CREB5: variants seen among roughly 807,000 people sequenced by gnomAD.
CREB5 encodes the protein cAMP responsive element binding protein 5, also known as cyclic AMP-responsive element-binding protein 5.
A neutral mutation model predicts 57.1 loss-of-function variants in CREB5; 19 were observed. That is an observed-to-expected ratio of 0.33 (90% CI 0.23 to 0.49). The LOEUF is 0.49. Ranked by LOEUF, CREB5 falls within the 20% of genes least tolerant of loss-of-function variation. The probability of loss-of-function intolerance (pLI) is 0.99; values close to 1 mark genes in which losing one functional copy is unlikely to be tolerated. For missense variants in CREB5, 579 were observed against 671.6 expected (o/e 0.86, Z 1.52); for synonymous variants, 238 against 238.3 (o/e 1.00, Z 0.01).
chr7:28,652,575 C>T (rs1799177935), intron 5 of CREB5, among the ~76,000 whole-genome samples: 1 of 152,188 alleles, frequency 6.6e-6, no homozygotes, highest in Admixed American at 6.5e-5. Flanking sequence ...GGTCCCTCTA[C>T]TTTCTTTGAG....
In CREB5 at chr7:28,366,440, C is replaced by CAA. The variant is rs1786588490; in HGVS notation, c.-25+66999_-25+67000insAA. 2.0e-5 allele frequency among the ~76,000 whole-genome samples: 3 copies of CAA among 152,124 alleles called. No individual in the cohort carries two copies. The South Asian group carries it at 6.2e-4, about 32-fold the overall frequency. ...TTAACTTGTGTATGTGAGGATACTA[C>CAA]TACTTATTGTTATTGTGAGACAGAG... On this transcript the variant is annotated intron_variant, in intron 1 of 9. Coordinates refer to the CREB5 transcript ENST00000396299.
At chr7:28,302,144 T>C (rs748109828) in intron 1 of CREB5, among the ~76,000 whole-genome samples, 3 of 152,232 alleles carry the variant, frequency 2.0e-5, no homozygotes, top group Non-Finnish European at 4.4e-5. Context: ...AATAACAAAA[T>C]GTGAAATTTC....
chr7:28,420,900 G>A (rs1327664466), intron 1 of CREB5, among the ~76,000 whole-genome samples: 1 of 150,776 alleles, frequency 6.6e-6, no homozygotes, highest in Non-Finnish European at 1.5e-5. Context: ...AAGTTTGCTT[G>A]TACCCATTCC....
chr7:28,381,891 G>A (rs190270117), intron 1 of CREB5, among the ~76,000 whole-genome samples: 4 of 152,224 alleles, frequency 2.6e-5, no homozygotes, highest in Non-Finnish European at 5.9e-5. Flanking sequence ...TGGAGAGACA[G>A]TATATATAAA....
At chr7:28,546,529 G>A (rs1019088207) in intron 4 of CREB5, among the ~76,000 whole-genome samples, 5 of 152,148 alleles carry the variant, frequency 3.3e-5, no homozygotes, top group East Asian at 1.9e-4. Flanking sequence ...GAGGGTTCCC[G>A]TTGGGATCCA....
intron 1 of CREB5, among the ~76,000 whole-genome samples, chr7:28,361,880 A>T (rs1054620857): frequency 6.6e-6 from 1 of 152,168 alleles, no homozygotes; most frequent in Non-Finnish European, 1.5e-5. Context: ...AACAGCAAAG[A>T]GCTTCTAATT....
chr7:28,474,804 C>T (rs538590639), intron 1 of CREB5, among the ~76,000 whole-genome samples: 11 of 152,274 alleles, frequency 7.2e-5, no homozygotes, highest in Admixed American at 2.6e-4. Flanking sequence ...CGTATTCTAA[C>T]GGCTTTACCC....
chr7:28,408,680 T>C (rs76344368), upstream of CREB5, among the ~76,000 whole-genome samples: 2,276 of 152,226 alleles, frequency 0.015, 60 homozygotes, highest in African/African-American at 0.052. Flanking sequence ...CTCAGACGCA[T>C]GAAGCAGGGG....
In CREB5 at chr7:28,741,396, C is replaced by T. The variant is rs112284250; in HGVS notation, c.702+17064C>T. Among the ~76,000 whole-genome samples, 333 of 151,726 alleles carry T rather than the reference C, an allele frequency of 2.2e-3. 1 individual carries two copies. Among genetic ancestry groups the T allele is most frequent in the African/African-American group, 7.9e-3 (328 of 41,452 alleles). On this transcript the variant is annotated intron_variant, in intron 7 of 10. Coordinates refer to ENST00000357727, the MANE Select transcript of CREB5 (RefSeq NM_182898.4). ...CCCCAGCCACCCCCACCCTGCCATCCCTGAGGACAACACTTTTTATTTGCT... is the reference window on the plus strand; with the variant it reads ...CCCCAGCCACCCCCACCCTGCCATCTCTGAGGACAACACTTTTTATTTGCT...
At chr7:28,732,561 A>G (rs1272994948) in intron 7 of CREB5, among the ~76,000 whole-genome samples, 1 of 152,208 alleles carries the variant, frequency 6.6e-6, no homozygotes, top group Non-Finnish European at 1.5e-5. Flanking sequence ...CAGGAAAAAA[A>G]AAGGAAATTT....
chr7:28,447,201 C>T (rs1789524772), intron 1 of CREB5, among the ~76,000 whole-genome samples: 1 of 152,198 alleles, frequency 6.6e-6, no homozygotes, highest in Non-Finnish European at 1.5e-5. Flanking sequence ...GAGATCAGTG[C>T]CTGGCGCACA....
At chr7:28,439,936 G>A (rs1465157559) in intron 1 of CREB5, among the ~76,000 whole-genome samples, 1 of 152,184 alleles carries the variant, frequency 6.6e-6, no homozygotes, top group Non-Finnish European at 1.5e-5. Context: ...TTGTAGCTAT[G>A]TCTTGAATGA....
chr7:28,505,194 G>GCACA (rs1562761825), intron 3 of CREB5, among the ~76,000 whole-genome samples: 2 of 118,518 alleles, frequency 1.7e-5, no homozygotes, highest in East Asian at 4.1e-4. Context: ...TCATGCACGT[G>GCACA]CACACACACG....
chr7:28,800,868 T>G (rs1338915788), intron 7 of CREB5, among the ~76,000 whole-genome samples: 1 of 152,206 alleles, frequency 6.6e-6, no homozygotes, highest in Non-Finnish European at 1.5e-5. Context: ...CAAAACACAG[T>G]TCATTTCTCT....
At chr7:28,714,536 C>G (rs1437793802) in intron 5 of CREB5, among the ~76,000 whole-genome samples, 1 of 152,128 alleles carries the variant, frequency 6.6e-6, no homozygotes, top group African/African-American at 2.4e-5. Context: ...CAAAGAAGAC[C>G]CTGTAGACAC....
intron 1 of CREB5, among the ~76,000 whole-genome samples, chr7:28,486,740 C>CATTG (rs1421474181): frequency 7.5e-6 from 1 of 134,214 alleles, no homozygotes; most frequent in African/African-American, 2.8e-5. Flanking sequence ...GCTATACTTA[C>CATTG]ATTGGCTTTT....
chr7:28,735,513 G>A (rs561939032), intron 7 of CREB5, among the ~76,000 whole-genome samples: 25 of 152,254 alleles, frequency 1.6e-4, no homozygotes, highest in African/African-American at 6.0e-4. Context: ...TTATCATTGG[G>A]TGGGTAAGTG....
intron 1 of CREB5, among the ~76,000 whole-genome samples, chr7:28,368,204 G>A (rs1036034269): frequency 6.6e-6 from 1 of 152,112 alleles, no homozygotes; most frequent in African/African-American, 2.4e-5. Context: ...GGATGTGCAG[G>A]GGCATACAGA....
chr7:28,328,251 CCTT>C (rs1159113651), intron 1 of CREB5, among the ~76,000 whole-genome samples: 1 of 152,180 alleles, frequency 6.6e-6, no homozygotes, highest in Non-Finnish European at 1.5e-5. Context: ...TTTTAGCCTC[CCTT>C]CTTAGTAAAA....
Sources: allele counts gnomAD v4.1 joint callset (sites outside exome capture counted in the v4.1 genomes callset), GRCh38; gene constraint gnomAD v4.1.1; transcripts MANE v1.5; gene names NCBI Gene and HGNC (gene_info 2026-07-23, HGNC 2026-07-21).